Variants in HDGFL3 observed in about 807,000 individuals in gnomAD.
The protein encoded by HDGFL3 is hepatoma-derived growth factor-related protein 3.
A neutral mutation model predicts 27.6 loss-of-function variants in HDGFL3; 6 were observed. The observed-to-expected ratio is 0.22, with a 90% CI of 0.12 to 0.43. HDGFL3 has a LOEUF of 0.43. HDGFL3 is among the 20% of genes least tolerant of loss of function. The pLI is 1.00. For missense variants in HDGFL3, 207 were observed against 250.1 expected, an observed-to-expected ratio of 0.83 and a Z score of 1.16; for synonymous variants, 88 against 88.9, an observed-to-expected ratio of 0.99 and a Z score of 0.05.
At chr15:83,172,811 A>G (rs1237463450) in intron 1 of HDGFL3, among the ~76,000 whole-genome samples, 2 of 150,972 alleles carry the variant, frequency 1.3e-5, no homozygotes. Flanking sequence ...ACAGAGCAAT[A>G]GACTCCAGCT....
At chr15:83,148,867 T>C (rs542623066) in intron 5 of HDGFL3, among the ~76,000 whole-genome samples, 3 of 152,238 alleles carry the variant, frequency 2.0e-5, no homozygotes, top group Admixed American at 6.5e-5. Flanking sequence ...TATACACCTA[T>C]ATGTTAGGCA....
chr15:83,118,140 T>TC (rs2034855309), intron 3 of HDGFL3, among the ~76,000 whole-genome samples: 1 of 151,924 alleles, frequency 6.6e-6, no homozygotes, highest in African/African-American at 2.4e-5. Context: ...GGCGGGAGGA[T>TC]CGCTTGACGC....
intron 3 of HDGFL3, chr15:83,122,020 T>TA (rs749596432): frequency 1.3e-6 from 2 of 1,580,878 alleles, no homozygotes; most frequent in Admixed American, 1.7e-5. Flanking sequence ...AACTTTATCT[T>TA]AAAGTTCACT....
rs1596540816 is a variant in HDGFL3, at chr15:83,139,075, C to T, written c.*195G>A. On this transcript the variant is annotated 3_prime_UTR_variant, in exon 6 of 6. Coordinates refer to ENST00000299633, the MANE Select transcript of HDGFL3 (RefSeq NM_016073.4). ...AAATAACATGAAATTAAATCAGTAA[C>T]TTTTAAAAAAGGCTAAAATGTCTTT... 5.5e-6 allele frequency: 2 copies of T among 362,878 alleles called. No individual in the cohort carries two copies. Among genetic ancestry groups the T allele is most frequent in the East Asian group, 7.6e-5 (2 of 26,360 alleles). 22.5% of individuals were successfully genotyped at this position (362,878 alleles called of 1,614,324 possible). A position where few individuals can be genotyped will look rare whatever the true frequency, so the allele number is the denominator to read the frequency against.
chr15:83,191,297 CAATT>C (rs1365772242), intron 1 of HDGFL3, among the ~76,000 whole-genome samples: 2 of 152,062 alleles, frequency 1.3e-5, no homozygotes, highest in African/African-American at 2.4e-5. Context: ...AAAGAAAACA[CAATT>C]AAACACGCAT....
At chr15:83,147,904 T>C (rs906845838) in intron 5 of HDGFL3, among the ~76,000 whole-genome samples, 3 of 152,210 alleles carry the variant, frequency 2.0e-5, no homozygotes, top group African/African-American at 7.2e-5. Flanking sequence ...AGTTAGAATC[T>C]AGAGTATGTA....
chr15:83,139,868 A>T (rs2036733167), intron 5 of HDGFL3, among the ~76,000 whole-genome samples: 1 of 152,098 alleles, frequency 6.6e-6, no homozygotes, highest in Admixed American at 6.5e-5. Flanking sequence ...TGACAAACAG[A>T]AAATAAAACA....
chr15:83,120,094 A>G (rs535189500), intron 3 of HDGFL3: 1 of 182,418 alleles, frequency 5.5e-6, no homozygotes, highest in East Asian at 1.4e-4. Flanking sequence ...GCTTGGCTAC[A>G]TGGCTTGTCC....
At chr15:83,114,079 T>G (rs536426965) in exon 4 of HDGFL3, 18 of 152,382 alleles carry the variant, frequency 1.2e-4, no homozygotes, top group Admixed American at 9.8e-4. Flanking sequence ...AAGGCCCACA[T>G]GCCTTTTCCT....
chr15:83,202,560 A>T (rs1209370978), intron 1 of HDGFL3, among the ~76,000 whole-genome samples: 5 of 152,162 alleles, frequency 3.3e-5, no homozygotes, highest in African/African-American at 1.2e-4. Context: ...AAGGAAAAAA[A>T]ACAACTCACT....
chr15:83,183,669 C>T lies in HDGFL3; in HGVS notation c.85-19594G>A, dbSNP rs1395353885. Among the ~76,000 whole-genome samples, 103 of 151,824 alleles carry T rather than the reference C, an allele frequency of 6.8e-4. 2 individuals carry two copies. Among genetic ancestry groups the T allele is most frequent in the Admixed American group, 6.8e-3 (103 of 15,212 alleles). On this transcript the variant is annotated intron_variant, in intron 1 of 5. Transcript: ENST00000299633. ...AGAGGTTGAGGCAGAATTGCTTGAACTCAGGAGGCGGAGGCGGAGGTTGCA... is the reference window on the plus strand; with the variant it reads ...AGAGGTTGAGGCAGAATTGCTTGAATTCAGGAGGCGGAGGCGGAGGTTGCA...
At chr15:83,117,308 G>T (rs1402212086) in intron 3 of HDGFL3, among the ~76,000 whole-genome samples, 1 of 152,172 alleles carries the variant, frequency 6.6e-6, no homozygotes, top group Non-Finnish European at 1.5e-5. Context: ...AGTTTCAGAT[G>T]CTGGCAGGGC....
intron 5 of HDGFL3, among the ~76,000 whole-genome samples, chr15:83,141,024 A>C (rs1307604860): frequency 6.6e-6 from 1 of 152,212 alleles, no homozygotes; most frequent in East Asian, 1.9e-4. Flanking sequence ...AGGTGCTGTC[A>C]AATGGGTGCT....
At chr15:83,172,410 A>G (rs1318945213) in intron 1 of HDGFL3, among the ~76,000 whole-genome samples, 1 of 152,180 alleles carries the variant, frequency 6.6e-6, no homozygotes, top group Non-Finnish European at 1.5e-5. Context: ...AAATCCATAT[A>G]TACCTTTTGA....
At chr15:83,177,180 A>C (rs950289689) in intron 1 of HDGFL3, among the ~76,000 whole-genome samples, 3 of 152,216 alleles carry the variant, frequency 2.0e-5, no homozygotes, top group Non-Finnish European at 4.4e-5. Context: ...CGGCCTCCCG[A>C]AGTGCTGGGA....
intron 5 of HDGFL3, among the ~76,000 whole-genome samples, chr15:83,147,719 A>G (rs1048886577): frequency 6.6e-6 from 1 of 152,220 alleles, no homozygotes; most frequent in African/African-American, 2.4e-5. Flanking sequence ...GCTGGTTCAA[A>G]TGGTTATGCT....
At chr15:83,204,932 G>A (rs1042331866) in intron 1 of HDGFL3, among the ~76,000 whole-genome samples, 6 of 152,164 alleles carry the variant, frequency 3.9e-5, no homozygotes, top group African/African-American at 1.4e-4. Context: ...CCTAGAGCAA[G>A]GAAGTTGCTT....
chr15:83,187,339 T>TG (rs2037456530), intron 1 of HDGFL3, among the ~76,000 whole-genome samples: 7 of 148,756 alleles, frequency 4.7e-5, no homozygotes, highest in Admixed American at 3.3e-4. Context: ...GAGTTTTTTT[T>TG]TTGTGTGTGT....
In HDGFL3 at chr15:83,118,076, G is replaced by A. The variant is rs186615349; in HGVS notation, c.394-2335C>T. ...ATGGTTTCACCATTAATATAGAGAGGCCATGGCTGGCCTGGTGGCTCATGC... is the reference window on the plus strand; with the variant it reads ...ATGGTTTCACCATTAATATAGAGAGACCATGGCTGGCCTGGTGGCTCATGC... On this transcript the variant is annotated intron_variant, in intron 3 of 3. Transcript: ENST00000568294. Among the ~76,000 whole-genome samples, 5 of 152,268 alleles carry A rather than the reference G, an allele frequency of 3.3e-5. No individual in the cohort carries two copies. The East Asian group carries it at 9.7e-4, about 29-fold the overall frequency.
Sources: gnomAD v4.1 joint callset for allele counts (sites outside exome capture counted in the v4.1 genomes callset) on GRCh38, gnomAD v4.1.1 for gene constraint, MANE v1.5 for transcripts, NCBI Gene and HGNC (gene_info 2026-07-23, HGNC 2026-07-21) for gene names.